Variants in NKAIN3 observed in about 807,000 individuals in gnomAD.
NKAIN3 encodes the protein sodium/potassium-transporting ATPase subunit beta-1-interacting protein 3.
Under a neutral mutation model 30.2 loss-of-function variants are expected in NKAIN3, and 25 were observed. That is an observed-to-expected ratio of 0.83 (90% confidence interval 0.60 to 1.16). The LOEUF (loss-of-function observed/expected upper bound fraction) is 1.16, where lower values mean the gene tolerates loss of function less well. NKAIN3 is among the 50% of genes most tolerant of loss of function. NKAIN3 has a pLI of 0.00. For synonymous variants in NKAIN3, 91 were observed against 89.6 expected, an observed-to-expected ratio of 1.02 and a Z score of -0.09; for missense variants, 225 against 254.1, an observed-to-expected ratio of 0.89 and a Z score of 0.78.
At chr8:62,705,549 C>G (rs1814490925) in intron 3 of NKAIN3, among the ~76,000 whole-genome samples, 1 of 152,126 alleles carries the variant, frequency 6.6e-6, no homozygotes, top group African/African-American at 2.4e-5. Context: ...CTTTTCCCTT[C>G]CATATTTTGT....
In NKAIN3 at chr8:62,971,927, AG is replaced by A. The variant is rs1486702600; in HGVS notation, c.*6522del. 3.3e-5 allele frequency among the ~76,000 whole-genome samples: 5 copies of A among 152,186 alleles called. No individual in the cohort carries two copies. The highest frequency in any genetic ancestry group is 7.4e-5 in the Non-Finnish European group (5 of 68,022). On this transcript the variant is annotated 3_prime_UTR_variant, in exon 7 of 7. Coordinates refer to ENST00000623646, the MANE Select transcript of NKAIN3 (RefSeq NM_001304533.3). Reference sequence around the variant, plus strand: ...TAAATCAGTAGCACTACATCCTTCTAGGTTTCCCATAATTTTGCAGACAGGT... The same window carrying A: ...TAAATCAGTAGCACTACATCCTTCTAGTTTCCCATAATTTTGCAGACAGGT...
At chr8:62,339,080 G>A (rs953078555) in intron 1 of NKAIN3, among the ~76,000 whole-genome samples, 1 of 151,992 alleles carries the variant, frequency 6.6e-6, no homozygotes, top group Non-Finnish European at 1.5e-5. Flanking sequence ...ATAAGAAGGA[G>A]ATGCCTGTGA....
chr8:62,879,866 G>A (rs764732117), intron 4 of NKAIN3, among the ~76,000 whole-genome samples: 3 of 152,130 alleles, frequency 2.0e-5, no homozygotes, highest in African/African-American at 4.8e-5. Flanking sequence ...CTCCCACCCC[G>A]TCAACTGGCC....
rs377561520 is a variant in NKAIN3, at chr8:62,365,856, G to C, written c.54+116729G>C. Among the ~76,000 whole-genome samples, 3 of 152,234 alleles carry C rather than the reference G, an allele frequency of 2.0e-5. No individual in the cohort carries two copies. In the East Asian group the frequency reaches 5.8e-4, roughly 29 times the overall value. On this transcript the variant is annotated intron_variant, in intron 1 of 6. Coordinates refer to ENST00000623646, the MANE Select transcript of NKAIN3 (RefSeq NM_001304533.3). The stretch of plus-strand genomic sequence containing the variant: ...ATTTGTCTGATTAGTGTGAGCTTGA[G>C]CATTTTTGCTTATTTGCTTTATGTA...
chr8:62,729,040 C>CAAA (rs1317282077), intron 3 of NKAIN3, among the ~76,000 whole-genome samples: 3 of 61,206 alleles, frequency 4.9e-5, no homozygotes, highest in African/African-American at 7.1e-5. Context: ...AAAAAAAAAA[C>CAAA]AAAAAAAAAA....
Position 62,257,873 on chromosome 8 carries a change from A to G in NKAIN3, c.54+8746A>G, listed in dbSNP as rs927585322. Among the ~76,000 whole-genome samples the G allele has an allele frequency of 3.9e-5, 6 of 152,078 alleles. No individual in the cohort carries two copies. In the East Asian group the frequency reaches 1.2e-3, roughly 29 times the overall value. ...TTATATTCTCCATTTTAATCAAATCATTTTCATTCCGGTTACTTACATATA... is the reference window on the plus strand; with the variant it reads ...TTATATTCTCCATTTTAATCAAATCGTTTTCATTCCGGTTACTTACATATA... On this transcript the variant is annotated intron_variant, in intron 1 of 6. Coordinates refer to ENST00000623646, the MANE Select transcript of NKAIN3 (RefSeq NM_001304533.3).
At position 62,976,957 on chromosome 8, in the gene NKAIN3, G is replaced by C. The variant is rs558874549; in HGVS notation, c.*11550G>C. On this transcript the variant is annotated 3_prime_UTR_variant, in exon 7 of 7. Transcript: ENST00000623646. ...TCACTTGTGAAGCTCAGTTTGGCTG[G>C]ATATGAAATTCTGGGTTGAAAATTC... is the stretch of plus-strand genomic sequence containing the variant. Among the ~76,000 whole-genome samples, 140 of 152,158 alleles carry C rather than the reference G, an allele frequency of 9.2e-4. No homozygotes were observed. Among genetic ancestry groups the C allele is most frequent in the Non-Finnish European group, 3.4e-4 (23 of 68,022 alleles).
chr8:62,251,016 C>T (rs1045994351), intron 1 of NKAIN3, among the ~76,000 whole-genome samples: 2 of 152,116 alleles, frequency 1.3e-5, no homozygotes, highest in African/African-American at 4.8e-5. Context: ...GTGATCTTTA[C>T]AAACTCTGCA....
At chr8:62,555,011 T>TACACACACACACACACAC (rs59610407) in intron 1 of NKAIN3, among the ~76,000 whole-genome samples, 49 of 145,028 alleles carry the variant, frequency 3.4e-4, no homozygotes, top group African/African-American at 9.7e-4. Context: ...GCAGAATCTA[T>TACACACACACACACACAC]ACACACACAC....
chr8:62,616,475 C>T (rs546616182), intron 3 of NKAIN3, among the ~76,000 whole-genome samples: 3 of 152,208 alleles, frequency 2.0e-5, no homozygotes, highest in Admixed American at 6.5e-5. Context: ...CGGAAGAAAG[C>T]CCAGGACAAG....
intron 1 of NKAIN3, among the ~76,000 whole-genome samples, chr8:62,348,383 G>A (rs906579345): frequency 7.2e-5 from 11 of 152,146 alleles, no homozygotes; most frequent in Non-Finnish European, 2.9e-5. Flanking sequence ...TAACAAATTT[G>A]AAAAGAAAAG....
intron 6 of NKAIN3, among the ~76,000 whole-genome samples, chr8:62,962,125 A>G (rs1823586597): frequency 6.6e-6 from 1 of 152,226 alleles, no homozygotes; most frequent in South Asian, 2.1e-4. Flanking sequence ...TAAGTAATCT[A>G]TTATCCCCCA....
chr8:62,652,599 G>A (rs1812658224), intron 3 of NKAIN3, among the ~76,000 whole-genome samples: 1 of 152,150 alleles, frequency 6.6e-6, no homozygotes. Context: ...GTTTTAAAGA[G>A]GGAGATTATT....
At chr8:62,370,766 G>T (rs1252972624) in intron 1 of NKAIN3, among the ~76,000 whole-genome samples, 1 of 151,800 alleles carries the variant, frequency 6.6e-6, no homozygotes, top group African/African-American at 2.4e-5. Flanking sequence ...TCTCAACTAT[G>T]GGCAAGAATG....
intron 3 of NKAIN3, among the ~76,000 whole-genome samples, chr8:62,685,793 G>T (rs889928894): frequency 6.6e-6 from 1 of 152,120 alleles, no homozygotes; most frequent in Non-Finnish European, 1.5e-5. Flanking sequence ...TTCTGACTGC[G>T]CAACTATTAA....
chr8:62,429,629 G>T (rs375252628), intron 1 of NKAIN3, among the ~76,000 whole-genome samples: 2 of 151,746 alleles, frequency 1.3e-5, no homozygotes, highest in South Asian at 2.1e-4. Flanking sequence ...CATCCCTATT[G>T]TTTTGGCATA....
rs151063313 is a variant in NKAIN3 at position 62,573,182 on chromosome 8, A to C, written c.55-6357A>C. 6.2e-4 allele frequency among the ~76,000 whole-genome samples: 95 copies of C among 152,306 alleles called. 1 individual carries two copies. In the East Asian group the frequency reaches 0.017, roughly 27 times the overall value. ...CAGCCCATTCCAACCTCTCTTAGAT[A>C]TACTTCATATGGTCAAATAACACTA... On this transcript the variant is annotated intron_variant, in intron 1 of 6. Coordinates refer to ENST00000623646, the MANE Select transcript of NKAIN3 (RefSeq NM_001304533.3).
chr8:62,349,869 G>A (rs1230437495), intron 1 of NKAIN3, among the ~76,000 whole-genome samples: 1 of 152,146 alleles, frequency 6.6e-6, no homozygotes, highest in Non-Finnish European at 1.5e-5. Context: ...CTCCTCCCAG[G>A]ACCTGAAGAG....
chr8:62,321,766 C>T (rs887303404), intron 1 of NKAIN3, among the ~76,000 whole-genome samples: 1 of 152,170 alleles, frequency 6.6e-6, no homozygotes, highest in Non-Finnish European at 1.5e-5. Context: ...AGTTAGGCTA[C>T]TCAGGGATCA....
Sources: gnomAD v4.1 joint callset for allele counts (sites outside exome capture counted in the v4.1 genomes callset) on GRCh38, gnomAD v4.1.1 for gene constraint, MANE v1.5 for transcripts, NCBI Gene and HGNC (gene_info 2026-07-23, HGNC 2026-07-21) for gene names.